Variants in SYT15B observed in about 807,000 individuals in gnomAD.
The protein encoded by SYT15B is synaptotagmin 15B.
chr10:47,755,260 C>CTT, the SYT15B span, among the ~76,000 whole-genome samples: 27 of 140,178 alleles, frequency 1.9e-4, no homozygotes, highest in African/African-American at 4.7e-4. Flanking sequence ...CAGCCAACCT[C>CTT]TTTTTTTTTT....
the SYT15B span, chr10:47,763,237 G>A: frequency 2.0e-6 from 2 of 985,844 alleles, no homozygotes; most frequent in Non-Finnish European, 2.4e-6. Context: ...CTTGGGCAGG[G>A]ATGCGGCGCT....
At chr10:47,761,607 GC>G in the SYT15B span, 5 of 1,311,428 alleles carry the variant, frequency 3.8e-6, no homozygotes. Flanking sequence ...AGCAGCAGCA[GC>G]CCCCCGATGG....
the SYT15B span, among the ~76,000 whole-genome samples, chr10:47,744,880 A>T: frequency 1.3e-5 from 2 of 152,000 alleles, no homozygotes; most frequent in African/African-American, 4.8e-5. Context: ...GTTGACCAAA[A>T]ATGTGTCCTG....
the SYT15B span, among the ~76,000 whole-genome samples, chr10:47,762,247 A>G: frequency 5.1e-3 from 781 of 151,708 alleles, 12 homozygotes; most frequent in South Asian, 0.01. Flanking sequence ...GCAAGGCCCC[A>G]TTGCTGCTGG....
chr10:47,755,477 G>C, the SYT15B span, among the ~76,000 whole-genome samples: 12 of 150,716 alleles, frequency 8.0e-5, no homozygotes, highest in Non-Finnish European at 1.8e-4. Flanking sequence ...GGATGGTCTC[G>C]ATCTCCTGAC....
chr10:47,759,731 CA>C, the SYT15B span: 2 of 934,746 alleles, frequency 2.1e-6, no homozygotes, highest in Admixed American at 2.8e-5. Flanking sequence ...AGAGCTTCAC[CA>C]GGGGGCTGCA....
chr10:47,747,139 A>G, the SYT15B span, among the ~76,000 whole-genome samples: 1 of 150,118 alleles, frequency 6.7e-6, no homozygotes, highest in Non-Finnish European at 1.5e-5. Context: ...CCTTCAGGAA[A>G]CGTGCTGATT....
the SYT15B span, chr10:47,757,779 GGGGCCT>G: frequency 4.5e-6 from 1 of 220,586 alleles, no homozygotes; most frequent in East Asian, 1.5e-4. Context: ...CATGCTGCTT[GGGGCCT>G]GGGCCCTCCT....
chr10:47,749,264 A>G, the SYT15B span, among the ~76,000 whole-genome samples: 1 of 124,818 alleles, frequency 8.0e-6, no homozygotes, highest in Non-Finnish European at 1.7e-5. Context: ...ACACAAAAAA[A>G]CCTGAGAAAA....
chr10:47,749,879 AC>A, the SYT15B span, among the ~76,000 whole-genome samples: 1 of 150,576 alleles, frequency 6.6e-6, no homozygotes, highest in Non-Finnish European at 1.5e-5. Flanking sequence ...TATTCAAGAG[AC>A]ATGACATCAT....
At chr10:47,755,400 C>T in the SYT15B span, among the ~76,000 whole-genome samples, 7 of 152,176 alleles carry the variant, frequency 4.6e-5, no homozygotes, top group Admixed American at 1.3e-4. Context: ...GGACTACAGG[C>T]GCCAGCCACC....
At chr10:47,748,217 A>C in the SYT15B span, among the ~76,000 whole-genome samples, 1 of 148,948 alleles carries the variant, frequency 6.7e-6, no homozygotes, top group Non-Finnish European at 1.5e-5. Flanking sequence ...TTTTTTTATT[A>C]TTATTTTTTG....
chr10:47,760,673 G>T, the SYT15B span: 1 of 590,070 alleles, frequency 1.7e-6, no homozygotes, highest in African/African-American at 1.9e-5. Context: ...GTCCCTGGGT[G>T]GTCCCTGGCA....
At chr10:47,761,102 G>GCACGCA in the SYT15B span, among the ~76,000 whole-genome samples, 18 of 145,572 alleles carry the variant, frequency 1.2e-4, no homozygotes, top group Admixed American at 1.0e-3. Context: ...ACACACACAC[G>GCACGCA]CACACACACA....
chr10:47,759,239 G>A, the SYT15B span, among the ~76,000 whole-genome samples: 4 of 150,548 alleles, frequency 2.7e-5, no homozygotes, highest in East Asian at 4.0e-4. Context: ...CTGCATTCAC[G>A]CTGAGGCCTG....
chr10:47,748,213 T>C, the SYT15B span, among the ~76,000 whole-genome samples: 130 of 149,096 alleles, frequency 8.7e-4, no homozygotes, highest in Middle Eastern at 3.4e-3. Context: ...ACTTTTTTTT[T>C]ATTATTATTT....
chr10:47,750,909 A>G, the SYT15B span: 8 of 151,476 alleles, frequency 5.3e-5, no homozygotes, highest in African/African-American at 9.7e-5. Context: ...GTTTGGTTTG[A>G]CATTCAACAG....
chr10:47,747,353 A>G, the SYT15B span, among the ~76,000 whole-genome samples: 3 of 149,586 alleles, frequency 2.0e-5, no homozygotes, highest in African/African-American at 7.3e-5. Flanking sequence ...GCTATGCAGA[A>G]AGGCTATGAA....
chr10:47,746,929 A>G, the SYT15B span, among the ~76,000 whole-genome samples: 2 of 122,010 alleles, frequency 1.6e-5, no homozygotes, highest in South Asian at 6.5e-4. Flanking sequence ...TTTTTCTGAG[A>G]AAAGAATTCT....
Sources: gnomAD v4.1 joint callset for allele counts (sites outside exome capture counted in the v4.1 genomes callset) on GRCh38, gnomAD v4.1.1 for gene constraint, MANE v1.5 for transcripts, NCBI Gene and HGNC (gene_info 2026-07-23, HGNC 2026-07-21) for gene names.